DNAI7: variants seen among roughly 807,000 people sequenced by gnomAD.
DNAI7 encodes dynein axonemal intermediate chain 7.
In DNAI7, 78 loss-of-function variants were observed where a neutral mutation model predicts 86.6. That is an observed-to-expected ratio of 0.90 (90% CI 0.75 to 1.09). The LOEUF (loss-of-function observed/expected upper bound fraction) is 1.09. Among genes scored for constraint, DNAI7 ranks in the 50% least tolerant of loss-of-function variants. The probability of loss-of-function intolerance (pLI) is 0.00; values close to 1 mark genes in which losing one functional copy is unlikely to be tolerated. For missense variants in DNAI7, 753 were observed against 810.2 expected, an observed-to-expected ratio of 0.93 and a Z score of 0.86; for synonymous variants, 274 against 273.0, an observed-to-expected ratio of 1.00 and a Z score of -0.04.
chr12:25,163,263 C>A (rs773022158), intron 2 of DNAI7, among the ~76,000 whole-genome samples: 2 of 152,160 alleles, frequency 1.3e-5, no homozygotes, highest in Non-Finnish European at 2.9e-5. Context: ...GTGACCTGCA[C>A]GTACACATCT....
chr12:25,164,301 G>A (rs1456924677), intron 2 of DNAI7, among the ~76,000 whole-genome samples: 1 of 150,842 alleles, frequency 6.6e-6, no homozygotes, highest in Non-Finnish European at 1.5e-5. Flanking sequence ...TTCTCTCCGT[G>A]TCTCTACCCC....
chr12:25,114,516 T>A (rs755860655), intron 13 of DNAI7, 140 bp downstream of exon 13: 9 of 585,108 alleles, frequency 1.5e-5, no homozygotes, highest in Non-Finnish European at 2.7e-5. Context: ...TAGCTCAAGG[T>A]ACATTTTTAA....
At chr12:25,112,841 G>A (rs1478469451) in intron 13 of DNAI7, among the ~76,000 whole-genome samples, 1 of 152,054 alleles carries the variant, frequency 6.6e-6, no homozygotes, top group African/African-American at 2.4e-5. Flanking sequence ...CTCAAAATTT[G>A]TGTTAATTTT....
intron 13 of DNAI7, among the ~76,000 whole-genome samples, chr12:25,113,279 CTGTTGTTGT>C (rs111423023): frequency 0.17 from 26,062 of 150,584 alleles, 2,335 homozygotes; most frequent in Middle Eastern, 0.25. Context: ...GTTGTTGTTG[CTGTTGTTGT>C]TGTTGTTGTT....
At chr12:25,175,451 C>A (rs1948854290) in intron 2 of DNAI7, among the ~76,000 whole-genome samples, 1 of 152,078 alleles carries the variant, frequency 6.6e-6, no homozygotes, top group Admixed American at 6.6e-5. Context: ...CCTCCGCCTC[C>A]CAGGTTCAAG....
chr12:25,115,313 A>C (rs1293720880), intron 12 of DNAI7, among the ~76,000 whole-genome samples: 1 of 152,248 alleles, frequency 6.6e-6, no homozygotes, highest in African/African-American at 2.4e-5. Context: ...CAATTCAATT[A>C]TCTTTAATTT....
intron 9 of DNAI7, among the ~76,000 whole-genome samples, chr12:25,128,229 A>C (rs185927887): frequency 8.1e-4 from 123 of 152,372 alleles, no homozygotes; most frequent in Admixed American, 2.5e-3. Flanking sequence ...TTGATCTGAA[A>C]TATACTTTTT....
downstream of DNAI7, among the ~76,000 whole-genome samples, chr12:25,107,265 T>A (rs1949237956): frequency 1.3e-5 from 2 of 152,206 alleles, no homozygotes; most frequent in African/African-American, 4.8e-5. Flanking sequence ...GTAATATATG[T>A]TATATTCTAT....
chr12:25,152,466 G>A (rs1254753674), intron 6 of DNAI7, among the ~76,000 whole-genome samples: 1 of 151,928 alleles, frequency 6.6e-6, no homozygotes, highest in Non-Finnish European at 1.5e-5. Flanking sequence ...TGCTGGAAGG[G>A]TGGTGTGCCC....
At chr12:25,118,483 A>T (rs1438044991) in intron 12 of DNAI7, among the ~76,000 whole-genome samples, 1 of 150,140 alleles carries the variant, frequency 6.7e-6, no homozygotes. Flanking sequence ...GGCTAATGTC[A>T]AACTCCTGAC....
Position 25,111,953 on chromosome 12 carries a change from G to T in DNAI7, c.1612-14C>A. 6.5e-7 allele frequency: 1 copy of T among 1,534,598 alleles called. No homozygotes were observed. ...GCAGAGGTTTTCCTAGTTTAAATAA[G>T]AAAAAAGAAGCTTTTATGTAAGTTA... On this transcript the variant is annotated splice_polypyrimidine_tract_variant and intron_variant, in intron 13 of 15. Transcript: ENST00000395987.
intron 13 of DNAI7, among the ~76,000 whole-genome samples, chr12:25,112,950 C>T (rs955478850): frequency 2.6e-5 from 4 of 152,112 alleles, no homozygotes; most frequent in Non-Finnish European, 4.4e-5. Context: ...AACCTGAAAA[C>T]GCACACTGAA....
chr12:25,168,224 C>T (rs1947724180), intron 2 of DNAI7, among the ~76,000 whole-genome samples: 1 of 152,178 alleles, frequency 6.6e-6, no homozygotes, highest in Non-Finnish European at 1.5e-5. Flanking sequence ...TCTCTTCTTC[C>T]TCTGTGGATC....
At position 25,111,881 on chromosome 12, in the gene DNAI7, A is replaced by G; in HGVS notation, c.1670T>C (p.Leu557Ser). 5.6e-6 allele frequency: 9 copies of G among 1,607,664 alleles called. No homozygotes were observed. Among genetic ancestry groups the G allele is most frequent in the Non-Finnish European group, 7.6e-6 (9 of 1,176,690 alleles). ...KLKDKKHISI[L>S]EGTWMTPIPF... ...AATAGGAGTCATCCAGGTTCCTTCC[A>G]AAATAGAGATGTGTTTCTTGTCTTT... The change falls in exon 14 of 16, where the codon TTG becomes TCG. Residue 557 changes from leucine to serine, a missense_variant. Leu to Ser is a moderately radical substitution (Grantham distance 145). Transcript: ENST00000395987.
intron 9 of DNAI7, among the ~76,000 whole-genome samples, chr12:25,125,192 C>T (rs1466230108): frequency 6.6e-6 from 1 of 152,164 alleles, no homozygotes; most frequent in Non-Finnish European, 1.5e-5. Flanking sequence ...GAGGAATCAC[C>T]ATATTGCTTT....
chr12:25,138,601 C>A (rs1378325854), intron 9 of DNAI7, among the ~76,000 whole-genome samples: 1 of 152,144 alleles, frequency 6.6e-6, no homozygotes, highest in Non-Finnish European at 1.5e-5. Flanking sequence ...TGCTCCTAAA[C>A]AATCATTGGG....
chr12:25,120,965 C>A (rs1029327162), intron 11 of DNAI7, among the ~76,000 whole-genome samples: 4 of 152,102 alleles, frequency 2.6e-5, no homozygotes, highest in African/African-American at 9.7e-5. Flanking sequence ...GAGGTGCAGC[C>A]CAAAATTATG....
At chr12:25,156,121 A>AAT (rs1946140683) in intron 4 of DNAI7, among the ~76,000 whole-genome samples, 1 of 152,156 alleles carries the variant, frequency 6.6e-6, no homozygotes, top group Admixed American at 6.5e-5. Flanking sequence ...AAAAAAAAAA[A>AAT]AGAATGCCCT....
chr12:25,162,450 G>A (rs1031319679), intron 2 of DNAI7, among the ~76,000 whole-genome samples: 2 of 152,208 alleles, frequency 1.3e-5, no homozygotes, highest in South Asian at 2.1e-4. Flanking sequence ...AAGCAGATAC[G>A]AAAGCAATTT....
Sources: gnomAD v4.1 joint callset for allele counts (sites outside exome capture counted in the v4.1 genomes callset) on GRCh38, gnomAD v4.1.1 for gene constraint, MANE v1.5 for transcripts, NCBI Gene and HGNC (gene_info 2026-07-23, HGNC 2026-07-21) for gene names.